The following KIF21B variants were observed in gnomAD, a reference collection of about 807,000 sequenced individuals.
KIF21B encodes the protein kinesin family member 21B.
A neutral mutation model predicts 192.9 loss-of-function variants in KIF21B; 85 were observed. The observed-to-expected ratio is 0.44, with a 90% CI of 0.37 to 0.53. The LOEUF (loss-of-function observed/expected upper bound fraction) is 0.53, where lower values mean the gene tolerates loss of function less well. Among genes scored for constraint, KIF21B ranks in the 20% least tolerant of loss-of-function variants. The pLI is 0.00. For missense variants in KIF21B, 1,716 were observed against 2,194.8 expected, an observed-to-expected ratio of 0.78 and a Z score of 4.36; for synonymous variants, 832 against 884.6, an observed-to-expected ratio of 0.94 and a Z score of 1.05.
intron 24 of KIF21B, 149 bp downstream of exon 24, chr1:200,988,147 T>C (rs953113415): frequency 1.2e-6 from 1 of 801,146 alleles, no homozygotes; most frequent in Admixed American, 1.9e-5. Context: ...AACCCCCAAT[T>C]CCAGACTAAA....
intron 9 of KIF21B, chr1:201,001,837 T>A: frequency 2.8e-6 from 1 of 350,976 alleles, no homozygotes; most frequent in East Asian, 5.1e-5. Context: ...CTGAGAAAGG[T>A]GTGGGAAAAT....
At chr1:201,013,396 T>A (rs1040178396) in intron 1 of KIF21B, among the ~76,000 whole-genome samples, 8 of 152,090 alleles carry the variant, frequency 5.3e-5, no homozygotes, top group Non-Finnish European at 1.2e-4. Flanking sequence ...GCCCTCAAAG[T>A]GACAGTGGCC....
intron 29 of KIF21B, among the ~76,000 whole-genome samples, chr1:200,980,752 G>A (rs115309374): frequency 2.0e-5 from 3 of 152,210 alleles, no homozygotes; most frequent in African/African-American, 7.2e-5. Context: ...GGAGCCACCA[G>A]GTCAGGTATG....
intron 15 of KIF21B, among the ~76,000 whole-genome samples, chr1:200,995,907 A>G (rs1002997366): frequency 4.6e-5 from 7 of 152,172 alleles, no homozygotes; most frequent in Admixed American, 4.6e-4. Context: ...AACAGGAGGC[A>G]GCACCAAGTG....
Position 200,998,653 on chromosome 1 carries a change from G to A in KIF21B, c.1886-78C>T. 7.5e-7 allele frequency: 1 copy of A among 1,332,762 alleles called. No homozygotes were observed. The highest frequency in any genetic ancestry group is 2.3e-5 in the East Asian group (1 of 43,026). 82.6% of individuals were successfully genotyped at this position (1,332,762 alleles called of 1,614,324 possible). A position where few individuals can be genotyped will look rare whatever the true frequency, so the allele number is the denominator to read the frequency against. On this transcript the variant is annotated intron_variant, in intron 13 of 34. Transcript: ENST00000461742. The surrounding 1 kb of genome is among the most constrained non-coding windows in gnomAD (Gnocchi z 4.3). The stretch of plus-strand genomic sequence containing the variant: ...GGAGCAGATGTGCCAGTGCTGGGGA[G>A]CTGGGACCCTCCTTTGGTCAGCCAT...
Position 200,969,548 on chromosome 1 carries a change from G to A in KIF21B, c.*3973C>T, listed in dbSNP as rs890114895. ...ATACACCTTGTGCTAGTCACATCAT[G>A]GAGGACAGCAGGAGCCTAATGAAGC... On this transcript the variant is annotated 3_prime_UTR_variant, in exon 35 of 35. Transcript: ENST00000461742. 3 of 152,798 alleles carry A rather than the reference G, an allele frequency of 2.0e-5. No individual in the cohort carries two copies. The highest frequency in any genetic ancestry group is 4.4e-5 in the Non-Finnish European group (3 of 68,068). The allele number at this position is 152,798 out of a possible 1,614,324, so 9.5% of individuals were successfully genotyped here.
rs750541983 is a variant in KIF21B, at chr1:200,991,046, C to T, written c.2558G>A (p.Ser853Asn). Reference sequence around the variant, plus strand: ...TGATTCAGCCTCAGATGAGGTAGTGCTGGCCGACACCTCAGCCCCAGAGTC... The same window carrying T: ...TGATTCAGCCTCAGATGAGGTAGTGTTGGCCGACACCTCAGCCCCAGAGTC... ...MLDSGAEVSA[S>N]TTSSEAESGA... The change falls in exon 18 of 35, where the codon AGC (serine) becomes AAC (asparagine). Residue 853 changes from serine (S) to asparagine (N), a missense_variant. Transcript: ENST00000461742. 41 of 1,614,060 alleles carry T rather than the reference C, an allele frequency of 2.5e-5. No homozygotes were observed. Among genetic ancestry groups the T allele is most frequent in the Non-Finnish European group, 3.4e-5 (40 of 1,180,052 alleles).
Position 200,992,357 on chromosome 1 carries a change from T to C in KIF21B, c.2310A>G (p.Gln770=), listed in dbSNP as rs1255651902. 3 of 1,613,176 alleles carry C rather than the reference T, an allele frequency of 1.9e-6. No homozygotes were observed. The highest frequency in any genetic ancestry group is 2.5e-6 in the Non-Finnish European group (3 of 1,180,036). ...VALMKQMREE[Q]QRRRLVETKR... ...TGGTCTCCACTAGCCGCCGCCGCTG[T>C]TGCTCCTCACGCATCTGCTTCATCA... Residue 770 remains glutamine, a synonymous_variant, in exon 16 of 35, where the codon CAA becomes CAG. Coordinates refer to ENST00000461742, the MANE Select transcript of KIF21B (RefSeq NM_001252102.2).
intron 1 of KIF21B, among the ~76,000 whole-genome samples, chr1:201,022,649 C>A: frequency 6.6e-6 from 1 of 152,180 alleles, no homozygotes; most frequent in East Asian, 1.9e-4. Context: ...GTCTAGGCAA[C>A]CCTCCCCTGC....
intron 34 of KIF21B, chr1:200,974,003 C>T: frequency 1.3e-6 from 2 of 1,555,928 alleles, no homozygotes; most frequent in Non-Finnish European, 8.7e-7. Flanking sequence ...TAATCTCATA[C>T]CGTTAAGAAG....
chr1:200,996,318 G>C lies in KIF21B; in HGVS notation c.2155C>G (p.Arg719Gly). Reference protein sequence around the residue: ...DYEKRLREMNRDLQKLQAAQK... With the variant: ...DYEKRLREMNGDLQKLQAAQK... The stretch of plus-strand genomic sequence containing the variant: ...GCGGCCTGCAGCTTCTGCAGGTCCC[G>C]GTTCATCTCCCGCAGCCTCTTCTCA... Residue 719 changes from arginine (R) to glycine (G), a missense_variant, in exon 15 of 35, where the codon CGG (arginine) becomes GGG (glycine). By Grantham distance (125) the Arg-to-Gly change is moderately radical. Around this residue, in one of 3 missense-constraint regions of KIF21B, gnomAD observed 1,087 missense variants for 1,316.6 expected, o/e 0.83. Transcript: ENST00000461742. The C allele has an allele frequency of 6.2e-7, 1 of 1,614,104 alleles. No individual in the cohort carries two copies. The highest frequency in any genetic ancestry group is 8.5e-7 in the Non-Finnish European group (1 of 1,180,004).
Position 200,996,334 on chromosome 1 carries a change from C to T in KIF21B, c.2139G>A (p.Arg713=), listed in dbSNP as rs953253882. 4.3e-6 allele frequency: 7 copies of T among 1,614,022 alleles called. No homozygotes were observed. ...ANKIKADYEK[R]LREMNRDLQK... ...GCAGGTCCCGGTTCATCTCCCGCAGCCTCTTCTCATAGTCTGCCTTGATCT... is the reference window on the plus strand; with the variant it reads ...GCAGGTCCCGGTTCATCTCCCGCAGTCTCTTCTCATAGTCTGCCTTGATCT... The change falls in exon 15 of 35, where the codon AGG becomes AGA. Residue 713 remains arginine, a synonymous_variant. Transcript: ENST00000461742.
rs1213508789 is a variant in KIF21B, at chr1:200,975,808, C to T, written c.4444-139G>A. The T allele has an allele frequency of 4.9e-6, 4 of 817,534 alleles. No individual in the cohort carries two copies. Among genetic ancestry groups the T allele is most frequent in the Non-Finnish European group, 7.4e-6 (4 of 543,496 alleles). 50.6% of individuals were successfully genotyped at this position (817,534 alleles called of 1,614,324 possible). Reference sequence around the variant, plus strand: ...ACTGCCCTCTGGGGAGAGGAGCTTCCCAGCAGGCGAGGGTTCCTGGAGGTG... The same window carrying T: ...ACTGCCCTCTGGGGAGAGGAGCTTCTCAGCAGGCGAGGGTTCCTGGAGGTG... On this transcript the variant is annotated intron_variant, in intron 32 of 34. Transcript: ENST00000461742. The surrounding 1 kb of genome is among the most constrained non-coding windows in gnomAD (Gnocchi z 4.3).
intron 30 of KIF21B, among the ~76,000 whole-genome samples, chr1:200,979,092 T>C (rs1655744410): frequency 6.6e-6 from 1 of 152,244 alleles, no homozygotes; most frequent in South Asian, 2.1e-4. Context: ...TTTGCAAGGC[T>C]CTTGGTCTCA....
rs980881856 is a variant in KIF21B at position 200,999,815 on chromosome 1, GC to G, written c.1767+67del. On this transcript the variant is annotated intron_variant, in intron 12 of 34. Transcript: ENST00000461742. The surrounding 1 kb of genome is among the most constrained non-coding windows in gnomAD (Gnocchi z 4.7). ...CACTCCATACAAGGATGCGGATGGG[GC>G]CCCCGCCAACCCCAGCAGGGACACA... 2.1e-4 allele frequency: 324 copies of G among 1,558,084 alleles called. No homozygotes were observed. Among genetic ancestry groups the G allele is most frequent in the Middle Eastern group, 3.3e-4 (2 of 5,976 alleles).
In KIF21B at chr1:200,992,289, C is replaced by T. The variant is rs747380037; in HGVS notation, c.2378G>A (p.Arg793Gln). 1.5e-5 allele frequency: 24 copies of T among 1,611,592 alleles called. No individual in the cohort carries two copies. The African/African-American group carries it at 2.0e-4, about 13-fold the overall frequency. Residue 793 changes from arginine (R) to glutamine (Q), a missense_variant, in exon 16 of 35, where the codon CGA (arginine) becomes CAA (glutamine). Arg to Gln is a conservative substitution (Grantham distance 43, BLOSUM62 1). Transcript: ENST00000461742. Reference protein sequence around the residue: ...EIAQLKKEQRRQEFQIRALES... With the variant: ...EIAQLKKEQRQQEFQIRALES... ...TCAAGGGCCACCCCTCACCTCCTGTCGCCGCTGCTCCTTCTTGAGCTGTGC... is the reference window on the plus strand; with the variant it reads ...TCAAGGGCCACCCCTCACCTCCTGTTGCCGCTGCTCCTTCTTGAGCTGTGC...
intron 1 of KIF21B, among the ~76,000 whole-genome samples, chr1:201,020,807 C>CCACACACA (rs1658774341): frequency 1.2e-5 from 1 of 82,578 alleles, no homozygotes; most frequent in African/African-American, 1.0e-4. Context: ...CCTCTCTCCT[C>CCACACACA]TACACACACA....
intron 1 of KIF21B, among the ~76,000 whole-genome samples, chr1:201,021,172 C>G (rs905443047): frequency 1.3e-5 from 2 of 152,208 alleles, no homozygotes; most frequent in Non-Finnish European, 2.9e-5. Flanking sequence ...CCCCCTACAG[C>G]CCATCACTGG....
chr1:201,004,486 T>G (rs1657685568), intron 6 of KIF21B, 31 bp from the exon 7 acceptor site: 1 of 1,529,236 alleles, frequency 6.5e-7, no homozygotes, highest in African/African-American at 1.4e-5. Flanking sequence ...CACTCAGCAG[T>G]CACTCAGGGA....
Sources: gnomAD v4.1 joint callset for allele counts (sites outside exome capture counted in the v4.1 genomes callset) on GRCh38, gnomAD v4.1.1 for gene constraint, gnomAD v4.1.1 regional missense constraint, Gnocchi (gnomAD v3.1) non-coding constraint, MANE v1.5 for transcripts, NCBI Gene and HGNC (gene_info 2026-07-23, HGNC 2026-07-21) for gene names.